The following NEK6 variants were observed in gnomAD, a reference collection of about 807,000 sequenced individuals.
NEK6 encodes serine/threonine-protein kinase Nek6.
A neutral mutation model predicts 43.5 loss-of-function variants in NEK6; 27 were observed. That is an observed-to-expected ratio of 0.62 (90% CI 0.46 to 0.86). NEK6 has a LOEUF of 0.86. Among genes scored for constraint, NEK6 ranks in the 40% least tolerant of loss-of-function variants. The pLI is 0.00. For missense variants in NEK6, 318 were observed against 414.4 expected (o/e 0.77, Z 2.02); for synonymous variants, 167 against 164.1 (o/e 1.02, Z -0.14).
chr9:124,284,679 T>A (rs572318922), intron 1 of NEK6, among the ~76,000 whole-genome samples: 38 of 152,322 alleles, frequency 2.5e-4, no homozygotes, highest in African/African-American at 8.7e-4. Context: ...CCTGCAGGAA[T>A]TCTCCGGACG....
intron 7 of NEK6, among the ~76,000 whole-genome samples, chr9:124,329,910 T>C (rs2130971870): frequency 6.6e-6 from 1 of 152,346 alleles, no homozygotes; most frequent in South Asian, 2.1e-4. Flanking sequence ...TCACGCCCTG[T>C]GCGTGGGGAT....
At chr9:124,310,340 C>T (rs1425782295) in intron 2 of NEK6, among the ~76,000 whole-genome samples, 5 of 152,266 alleles carry the variant, frequency 3.3e-5, no homozygotes, top group African/African-American at 4.8e-5. Flanking sequence ...GCCTGCTCTT[C>T]TTAGGTGGGT....
chr9:124,268,425 C>T (rs1831306107), intron 1 of NEK6, among the ~76,000 whole-genome samples: 1 of 152,160 alleles, frequency 6.6e-6, no homozygotes, highest in African/African-American at 2.4e-5. Context: ...TGTGCCAGCC[C>T]ATAGGGTGTG....
chr9:124,305,693 A>T (rs1833222659), intron 2 of NEK6, among the ~76,000 whole-genome samples: 1 of 152,068 alleles, frequency 6.6e-6, no homozygotes, highest in Non-Finnish European at 1.5e-5. Context: ...TCTGCTGAGA[A>T]GCTCTGCATG....
At chr9:124,307,332 C>T (rs570674300) in intron 2 of NEK6, among the ~76,000 whole-genome samples, 2 of 152,156 alleles carry the variant, frequency 1.3e-5, no homozygotes, top group Non-Finnish European at 2.9e-5. Context: ...CCAGTCATGC[C>T]CTGCCTCTTC....
intron 5 of NEK6, among the ~76,000 whole-genome samples, chr9:124,322,887 G>A (rs372434326): frequency 6.6e-5 from 10 of 152,260 alleles, no homozygotes; most frequent in African/African-American, 4.8e-5. Context: ...TACTTGAGCT[G>A]TTATCACCTG....
chr9:124,307,934 C>T (rs147796261), intron 2 of NEK6, among the ~76,000 whole-genome samples: 203 of 152,302 alleles, frequency 1.3e-3, no homozygotes, highest in Non-Finnish European at 1.8e-3. Context: ...CTGCTCAGGC[C>T]GTCCCAGTCC....
intron 4 of NEK6, 49 bp downstream of exon 4, chr9:124,314,034 G>A (rs1406427358): frequency 6.4e-7 from 1 of 1,573,366 alleles, no homozygotes; most frequent in African/African-American, 1.4e-5. Context: ...GGGAGGTTCT[G>A]GGGCCGCGGC....
At chr9:124,302,918 G>A (rs553390792) in intron 2 of NEK6, among the ~76,000 whole-genome samples, 7 of 152,366 alleles carry the variant, frequency 4.6e-5, no homozygotes, top group East Asian at 1.9e-4. Context: ...CCGCGTGCTC[G>A]CTGAGTTAAG....
intron 1 of NEK6, among the ~76,000 whole-genome samples, chr9:124,281,303 C>T (rs1831891860): frequency 6.6e-6 from 1 of 151,982 alleles, no homozygotes; most frequent in Non-Finnish European, 1.5e-5. Context: ...TGGAGGAGGC[C>T]GGCCATGCTT....
In NEK6 at chr9:124,313,953, C is replaced by A. The variant is rs1833682139; in HGVS notation, c.262C>A (p.Gln88Lys). 8.1e-6 allele frequency: 13 copies of A among 1,614,200 alleles called. No homozygotes were observed. The highest frequency in any genetic ancestry group is 1.0e-5 in the Non-Finnish European group (12 of 1,180,008). ...TGAGATGATGGACGCCAAGGCGAGG[C>A]AGGACTGTGTCAAGGAGATCGGCCT... ...IFEMMDAKARQDCVKEIGLLK... is the reference protein window; with the variant it reads ...IFEMMDAKARKDCVKEIGLLK... The change falls in exon 4 of 10, where the codon CAG (glutamine) becomes AAG (lysine). Residue 88 changes from glutamine (Q) to lysine (K), a missense_variant. Gln to Lys is a moderately conservative substitution (Grantham distance 53). This residue lies in a region of NEK6 where 239 missense variants were observed against 344.4 expected (regional missense o/e 0.69). Transcript: ENST00000320246.
intron 1 of NEK6, chr9:124,292,191 G>A: frequency 7.9e-7 from 1 of 1,262,070 alleles, no homozygotes; most frequent in East Asian, 3.5e-5. Flanking sequence ...CAGGGCTGGA[G>A]CTCCAGGGAC....
At chr9:124,341,273 T>C (rs972012005) in intron 8 of NEK6, among the ~76,000 whole-genome samples, 2 of 152,210 alleles carry the variant, frequency 1.3e-5, no homozygotes, top group African/African-American at 2.4e-5. Flanking sequence ...CATCTTTCTT[T>C]ATAAGCCAGT....
intron 1 of NEK6, chr9:124,292,948 G>A: frequency 1.9e-6 from 3 of 1,571,578 alleles, no homozygotes; most frequent in Non-Finnish European, 2.6e-6. Flanking sequence ...GAGATGCCCA[G>A]GAGAGAAGTT....
chr9:124,282,973 A>C (rs1471792649), intron 1 of NEK6, among the ~76,000 whole-genome samples: 2 of 152,302 alleles, frequency 1.3e-5, no homozygotes, highest in East Asian at 3.9e-4. Flanking sequence ...TTGTGGACAA[A>C]GGGCAGCCTG....
At chr9:124,264,624 G>A (rs1461378797) in intron 1 of NEK6, among the ~76,000 whole-genome samples, 1 of 152,040 alleles carries the variant, frequency 6.6e-6, no homozygotes, top group Non-Finnish European at 1.5e-5. Flanking sequence ...AGCCAACATG[G>A]CAAAACCCCA....
Position 124,324,228 on chromosome 9 carries a change from A to G in NEK6, c.406-2102A>G, listed in dbSNP as rs1212092431. Among the ~76,000 whole-genome samples, 1 of 152,090 alleles carries G rather than the reference A, an allele frequency of 6.6e-6. No individual in the cohort carries two copies. The highest frequency in any genetic ancestry group is 1.5e-5 in the Non-Finnish European group (1 of 67,976). On this transcript the variant is annotated intron_variant, in intron 5 of 9. Transcript: ENST00000320246. The surrounding 1 kb of genome is among the most constrained non-coding windows in gnomAD (Gnocchi z 5.3). ...TGCCTCATCTGTAACATACCAGCAC[A>G]ATGCCTGGGGTTTGGTGGGAGCTCG...
chr9:124,274,783 A>C (rs767863055), intron 1 of NEK6, among the ~76,000 whole-genome samples: 30 of 152,248 alleles, frequency 2.0e-4, no homozygotes, highest in Middle Eastern at 3.4e-3. Context: ...TTGGGAGCTG[A>C]CCGGTCTGAC....
In NEK6 at chr9:124,258,067, C is replaced by G; in HGVS notation, c.-48C>G. ...AGCGCACCGGTCCCCCAGCGGCAGC[C>G]GAGCCCGCCCGCGCGCCGGTGAGTC... On this transcript the variant is annotated 5_prime_UTR_variant, in exon 1 of 10. Coordinates refer to ENST00000320246, the MANE Select transcript of NEK6 (RefSeq NM_014397.6). The G allele has an allele frequency of 1.0e-6, 1 of 979,240 alleles. No individual in the cohort carries two copies. The highest frequency in any genetic ancestry group is 1.2e-6 in the Non-Finnish European group (1 of 827,580). The allele number at this position is 979,240 out of a possible 1,614,324, so 60.7% of individuals were successfully genotyped here.
Sources: allele counts gnomAD v4.1 joint callset (sites outside exome capture counted in the v4.1 genomes callset), GRCh38; gene constraint gnomAD v4.1.1; regional missense constraint gnomAD v4.1.1; non-coding constraint Gnocchi (gnomAD v3.1); transcripts MANE v1.5; gene names NCBI Gene and HGNC (gene_info 2026-07-23, HGNC 2026-07-21).